Variants in VTI1A observed in about 807,000 individuals in gnomAD.
The protein encoded by VTI1A is vesicle transport through interaction with t-SNAREs homolog 1A.
Under a neutral mutation model 34.9 loss-of-function variants are expected in VTI1A, and 22 were observed. That is an observed-to-expected ratio of 0.63 (90% CI 0.45 to 0.90). The LOEUF (loss-of-function observed/expected upper bound fraction) is 0.90. VTI1A is among the 40% of genes least tolerant of loss of function. VTI1A has a pLI of 0.00. For synonymous variants in VTI1A, 87 were observed against 97.3 expected, an observed-to-expected ratio of 0.89 and a Z score of 0.62; for missense variants, 268 against 275.6, an observed-to-expected ratio of 0.97 and a Z score of 0.20.
intron 3 of VTI1A, among the ~76,000 whole-genome samples, chr10:112,471,820 A>G (rs1178357211): frequency 6.6e-6 from 1 of 152,192 alleles, no homozygotes; most frequent in Non-Finnish European, 1.5e-5. Flanking sequence ...AAATGTAGTT[A>G]AGGAATTTTT....
At chr10:112,759,707 A>T (rs960097599) in intron 7 of VTI1A, among the ~76,000 whole-genome samples, 3 of 152,148 alleles carry the variant, frequency 2.0e-5, no homozygotes, top group South Asian at 4.1e-4. Flanking sequence ...AGCAGATTCA[A>T]AGGAACTGCA....
In VTI1A at chr10:112,698,697, A is replaced by G. The variant is rs532209487; in HGVS notation, c.560+29699A>G. Among the ~76,000 whole-genome samples the G allele has an allele frequency of 4.6e-5, 7 of 152,216 alleles. No individual in the cohort carries two copies. The South Asian group carries it at 1.2e-3, about 27-fold the overall frequency. Reference sequence around the variant, plus strand: ...CACGTGTTTGAACTGATGTTTTAACACCCGTCTCGCACATCTTTATGCCCT... The same window carrying G: ...CACGTGTTTGAACTGATGTTTTAACGCCCGTCTCGCACATCTTTATGCCCT... On this transcript the variant is annotated intron_variant, in intron 7 of 7. Coordinates refer to ENST00000393077, the MANE Select transcript of VTI1A (RefSeq NM_145206.4).
intron 5 of VTI1A, among the ~76,000 whole-genome samples, chr10:112,638,256 G>A (rs918434012): frequency 6.6e-6 from 1 of 152,150 alleles, no homozygotes; most frequent in African/African-American, 2.4e-5. Flanking sequence ...ATCGATATCG[G>A]TGCAAAGCTT....
chr10:112,727,699 A>G (rs772822293), intron 7 of VTI1A, among the ~76,000 whole-genome samples: 1 of 152,180 alleles, frequency 6.6e-6, no homozygotes, highest in Non-Finnish European at 1.5e-5. Flanking sequence ...GGTCTCAAGT[A>G]TAATGATAGT....
intron 3 of VTI1A, among the ~76,000 whole-genome samples, chr10:112,496,356 G>C (rs1187599981): frequency 6.6e-6 from 1 of 152,134 alleles, no homozygotes; most frequent in African/African-American, 2.4e-5. Context: ...GATCACTTGA[G>C]GTCAGGAGTT....
chr10:112,840,440 T>C, the VTI1A span, among the ~76,000 whole-genome samples: 1 of 152,130 alleles, frequency 6.6e-6, no homozygotes, highest in Non-Finnish European at 1.5e-5. Context: ...AAAACACAAG[T>C]GATGGTGGCT....
intron 7 of VTI1A, among the ~76,000 whole-genome samples, chr10:112,695,410 A>C (rs1287305891): frequency 6.6e-6 from 1 of 152,176 alleles, no homozygotes; most frequent in African/African-American, 2.4e-5. Context: ...GATTAAAAAA[A>C]AAGGCTTGGT....
chr10:112,611,307 T>C (rs895566407), intron 5 of VTI1A, among the ~76,000 whole-genome samples: 8 of 152,214 alleles, frequency 5.3e-5, no homozygotes, highest in African/African-American at 1.9e-4. Flanking sequence ...CTACTCTTTT[T>C]ATTGCCATTG....
At chr10:112,828,724 A>G in the VTI1A span, among the ~76,000 whole-genome samples, 6 of 152,020 alleles carry the variant, frequency 3.9e-5, no homozygotes, top group Admixed American at 2.0e-4. Flanking sequence ...TTTTAACAAT[A>G]AATAGAGCTG....
chr10:112,795,146 T>A (rs1450947280), intron 7 of VTI1A, among the ~76,000 whole-genome samples: 1 of 152,216 alleles, frequency 6.6e-6, no homozygotes, highest in Non-Finnish European at 1.5e-5. Context: ...ATTCTGTGAC[T>A]TGTTATTTTC....
At chr10:112,735,509 C>T (rs1453796109) in intron 7 of VTI1A, among the ~76,000 whole-genome samples, 1 of 152,216 alleles carries the variant, frequency 6.6e-6, no homozygotes, top group Non-Finnish European at 1.5e-5. Flanking sequence ...CTACAAAGAG[C>T]TGAAACACTC....
At position 112,564,320 on chromosome 10, in the gene VTI1A, G is replaced by T. The variant is rs542733874; in HGVS notation, c.427+25990G>T. On this transcript the variant is annotated intron_variant, in intron 5 of 7. Transcript: ENST00000393077. ...AACAAAAGCAATAGAAAGAAAAGAT[G>T]AAGTAATAGTGAACCAAACAGAAAT... Among the ~76,000 whole-genome samples the T allele has an allele frequency of 9.0e-4, 137 of 151,750 alleles. 1 individual carries two copies. Among genetic ancestry groups the T allele is most frequent in the African/African-American group, 3.3e-3 (135 of 41,446 alleles).
chr10:112,830,138 G>C, the VTI1A span, among the ~76,000 whole-genome samples: 398 of 152,266 alleles, frequency 2.6e-3, 1 homozygote, highest in South Asian at 0.015. Flanking sequence ...TAGGTAGGTT[G>C]TCCAAGCTCA....
chr10:112,504,405 G>A (rs1040810323), intron 3 of VTI1A, among the ~76,000 whole-genome samples: 18 of 152,030 alleles, frequency 1.2e-4, no homozygotes, highest in Non-Finnish European at 2.2e-4. Flanking sequence ...CACATCACAC[G>A]AAAGACAGCA....
intron 5 of VTI1A, among the ~76,000 whole-genome samples, chr10:112,627,697 C>T (rs755099525): frequency 2.6e-5 from 4 of 151,972 alleles, no homozygotes; most frequent in Non-Finnish European, 5.9e-5. Flanking sequence ...ATTATTTATT[C>T]AACAAATATC....
intron 5 of VTI1A, among the ~76,000 whole-genome samples, chr10:112,569,012 G>T (rs1272648697): frequency 1.3e-5 from 2 of 151,994 alleles, no homozygotes; most frequent in African/African-American, 4.8e-5. Flanking sequence ...AAAATCATCC[G>T]GGTGTGGTGG....
chr10:112,580,557 A>G (rs532321782), intron 5 of VTI1A, among the ~76,000 whole-genome samples: 2 of 152,330 alleles, frequency 1.3e-5, no homozygotes, highest in Admixed American at 6.5e-5. Flanking sequence ...GCAGACCAAG[A>G]ATGGAAGCCA....
chr10:112,842,922 A>C, the VTI1A span, among the ~76,000 whole-genome samples: 1 of 152,208 alleles, frequency 6.6e-6, no homozygotes, highest in African/African-American at 2.4e-5. Flanking sequence ...ATACTTACAC[A>C]ATCACTGGAA....
At chr10:112,733,725 A>ATTATTTTATTTTATTTTATTTTATT (rs71035398) in intron 7 of VTI1A, among the ~76,000 whole-genome samples, 25 of 128,550 alleles carry the variant, frequency 1.9e-4, no homozygotes, top group Admixed American at 9.8e-4. Context: ...TCTCATTTAC[A>ATTATTTTATTTTATTTTATTTTATT]TTATTTTATT....
Sources: allele counts gnomAD v4.1 joint callset (sites outside exome capture counted in the v4.1 genomes callset), GRCh38; gene constraint gnomAD v4.1.1; transcripts MANE v1.5; gene names NCBI Gene and HGNC (gene_info 2026-07-23, HGNC 2026-07-21).